The following LCTL variants were observed in gnomAD, a reference collection of about 807,000 sequenced individuals.
The protein encoded by LCTL is lactase-like protein.
LCTL carries 76 observed loss-of-function variants against 75.8 expected under a neutral mutation model. The observed-to-expected ratio is 1.00, with a 90% CI of 0.83 to 1.21. LCTL has a LOEUF of 1.21. LCTL is among the 50% of genes most tolerant of loss of function. LCTL has a pLI of 0.00. For missense variants in LCTL, 670 were observed against 712.4 expected (o/e 0.94, Z 0.68); for synonymous variants, 271 against 268.8 (o/e 1.01, Z -0.08).
chr15:66,548,759 A>ATT, intron 12 of LCTL, 154 bp from the exon 14 acceptor site: 1 of 462,088 alleles, frequency 2.2e-6, no homozygotes, highest in Admixed American at 3.5e-5. Flanking sequence ...AGAACTTAGT[A>ATT]AATTAAATGT....
chr15:66,561,654 A>C lies in LCTL; in HGVS notation c.481-339T>G, dbSNP rs112663070. Among the ~76,000 whole-genome samples, 342 of 152,320 alleles carry C rather than the reference A, an allele frequency of 2.2e-3. 2 individuals are homozygous for C. The highest frequency in any genetic ancestry group is 7.6e-3 in the African/African-American group (315 of 41,578). On this transcript the variant is annotated intron_variant, in intron 4 of 12. Coordinates refer to ENST00000341509, the Ensembl canonical transcript of LCTL. ...GCCTTCTTCGGCAGAGGGCTTTCCC[A>C]ACCAAAGACATCTGCCCATGACGGC...
intron 8 of LCTL, among the ~76,000 whole-genome samples, chr15:66,555,973 A>G (rs140015766): frequency 1.3e-5 from 2 of 152,322 alleles, no homozygotes; most frequent in East Asian, 3.9e-4. Flanking sequence ...CCTCACACCC[A>G]TTGGGATAGC....
intron 6 of LCTL, among the ~76,000 whole-genome samples, chr15:66,559,653 A>G (rs1895833774): frequency 6.6e-6 from 1 of 152,222 alleles, no homozygotes; most frequent in Admixed American, 6.5e-5. Flanking sequence ...GGTTGCAGTG[A>G]GCCGAGATCG....
At chr15:66,564,919 G>A (rs1490723024) in intron 1 of LCTL, 80 bp from the exon 3 acceptor site, 1 of 1,401,510 alleles carries the variant, frequency 7.1e-7, no homozygotes, top group Non-Finnish European at 9.7e-7. Context: ...TGCCTCCCAG[G>A]CCTCAGGGAC....
intron 8 of LCTL, among the ~76,000 whole-genome samples, chr15:66,554,179 T>C (rs915797284): frequency 6.7e-6 from 1 of 149,388 alleles, no homozygotes; most frequent in African/African-American, 2.5e-5. Flanking sequence ...TAATCCCAGC[T>C]ACTTGGGAGG....
chr15:66,565,402 C>G lies in LCTL; in HGVS notation c.-37G>C, dbSNP rs184826020. On this transcript the variant is annotated 5_prime_UTR_variant, in exon 1 of 13. Coordinates refer to ENST00000341509, the Ensembl canonical transcript of LCTL. ...CTCCCCCATACCTGAAAAAGTGCAG[C>G]TGGCTCTGCAGGCCCCTGCAGCCAG... is the stretch of plus-strand genomic sequence containing the variant. 797 of 1,382,650 alleles carry G rather than the reference C, an allele frequency of 5.8e-4. 5 individuals carry two copies. In the African/African-American group the frequency reaches 0.01, roughly 18 times the overall value. The allele number at this position is 1,382,650 out of a possible 1,614,324, so 85.6% of individuals were successfully genotyped here.
chr15:66,551,296 G>A (rs1356062244), intron 11 of LCTL, among the ~76,000 whole-genome samples: 6 of 132,502 alleles, frequency 4.5e-5, no homozygotes, highest in Admixed American at 2.6e-4. Context: ...GCAGTGAGCC[G>A]AGATCGCACT....
chr15:66,562,641 A>G (rs1002010816), intron 4 of LCTL, among the ~76,000 whole-genome samples: 4 of 151,132 alleles, frequency 2.6e-5, no homozygotes, highest in African/African-American at 9.7e-5. Flanking sequence ...CTGGAGTGCA[A>G]TGGCATAATC....
At chr15:66,562,621 A>G (rs1475352905) in intron 4 of LCTL, among the ~76,000 whole-genome samples, 1 of 148,950 alleles carries the variant, frequency 6.7e-6, no homozygotes, top group Non-Finnish European at 1.5e-5. Context: ...TTTCATTCTC[A>G]TTGCCCAGGC....
Position 66,565,314 on chromosome 15 carries a change from TGG to T in LCTL, c.50_51del (p.Pro17GlnfsTer47). ...GACCCCTTCCGGGCGGCCCCCAGCC[TGG>T]GCACCAGCAGTAGCATCCACAGAAG... On this transcript the variant is annotated frameshift_variant, in exon 1 of 13. Coordinates refer to ENST00000341509, the Ensembl canonical transcript of LCTL. LOFTEE classifies it high-confidence loss of function. 3 of 1,613,860 alleles carry T rather than the reference TGG, an allele frequency of 1.9e-6. No individual in the cohort carries two copies. The highest frequency in any genetic ancestry group is 1.7e-4 in the Middle Eastern group (1 of 6,058).
chr15:66,561,095 C>A, exon 6 of LCTL: 1 of 1,614,192 alleles, frequency 6.2e-7, no homozygotes, highest in Non-Finnish European at 8.5e-7. Flanking sequence ...CCTTTTTCTG[C>A]CATTGCCTAT....
chr15:66,549,973 T>G, intron 12 of LCTL, 68 bp downstream of exon 13: 1 of 1,077,056 alleles, frequency 9.3e-7, no homozygotes, highest in Non-Finnish European at 1.3e-6. Flanking sequence ...ATTTTGAGAT[T>G]TTGAAAATGA....
chr15:66,563,710 G>T, intron 3 of LCTL, 85 bp from the exon 5 acceptor site: 1 of 1,079,048 alleles, frequency 9.3e-7, no homozygotes, highest in Non-Finnish European at 1.4e-6. Context: ...CCTGGGCCCT[G>T]TTGCTTTTTG....
chr15:66,564,982 A>G, intron 1 of LCTL, 143 bp from the exon 3 acceptor site: 1 of 785,074 alleles, frequency 1.3e-6, no homozygotes, highest in South Asian at 1.7e-5. Flanking sequence ...TCTTCCTAGG[A>G]GTGTGAGCAC....
intron 1 of LCTL, 21 bp downstream of exon 2, chr15:66,565,227 C>A (rs746287908): frequency 1.3e-6 from 2 of 1,501,516 alleles, no homozygotes; most frequent in Middle Eastern, 1.7e-4. Context: ...GGCAGACAGA[C>A]GAACAGAGGC....
intron 8 of LCTL, among the ~76,000 whole-genome samples, chr15:66,553,826 G>A: frequency 6.6e-6 from 1 of 151,542 alleles, no homozygotes; most frequent in Non-Finnish European, 1.5e-5. Flanking sequence ...TGGAGAAAAA[G>A]TAGAGTTGGG....
Position 66,561,185 on chromosome 15 carries a change from ACCCGAGGATCACTGAACGTGAT to A in LCTL, c.589_609+1del. On this transcript the variant is annotated splice_donor_variant and coding_sequence_variant, in exon 5 of 13. Transcript: ENST00000341509. LOFTEE classifies it high-confidence loss of function. The stretch of plus-strand genomic sequence containing the variant: ...TCTCCCACCTGGAGGGGCCCTGCTT[ACCCGAGGATCACTGAACGTGAT>A]CCAGTGCTTCACACGGTCCCCAAAG... 6.2e-7 allele frequency: 1 copy of A among 1,614,136 alleles called. No individual in the cohort carries two copies. The highest frequency in any genetic ancestry group is 1.3e-5 in the African/African-American group (1 of 75,028).
At position 66,551,773 on chromosome 15, in the gene LCTL, A is replaced by AT. The variant is rs1267126420; in HGVS notation, c.1412dup (p.Tyr471Ter). The stretch of plus-strand genomic sequence containing the variant: ...CGTTAAATTCAACATAGTAGAATCC[A>AT]TATCTATCTGAGTATCCTTTCTCCC... Residue 471 changes from tyrosine to a stop codon, truncating the protein, a stop_gained and frameshift_variant, in exon 11 of 13, where the codon TAT becomes TAAT. Coordinates refer to ENST00000341509, the Ensembl canonical transcript of LCTL. LOFTEE classifies it high-confidence loss of function. 1 of 1,613,846 alleles carries AT rather than the reference A, an allele frequency of 6.2e-7. No homozygotes were observed. The highest frequency in any genetic ancestry group is 1.1e-5 in the South Asian group (1 of 91,078).
intron 8 of LCTL, among the ~76,000 whole-genome samples, chr15:66,557,382 C>T (rs1178329427): frequency 1.3e-5 from 2 of 152,132 alleles, no homozygotes; most frequent in African/African-American, 2.4e-5. Flanking sequence ...AGAAGTGACA[C>T]AGGCCCATGA....
Sources: gnomAD v4.1 joint callset for allele counts (sites outside exome capture counted in the v4.1 genomes callset) on GRCh38, gnomAD v4.1.1 for gene constraint, MANE v1.5 for transcripts, NCBI Gene and HGNC (gene_info 2026-07-23, HGNC 2026-07-21) for gene names.